The following DNAJC15 variants were observed in gnomAD, a reference collection of about 807,000 sequenced individuals.
DNAJC15 encodes dnaJ homolog subfamily C member 15.
A neutral mutation model predicts 22.4 loss-of-function variants in DNAJC15; 27 were observed. The observed-to-expected ratio is 1.20, with a 90% CI of 0.89 to 1.66. The LOEUF (loss-of-function observed/expected upper bound fraction) is 1.66. Ranked by LOEUF, DNAJC15 falls within the 40% of genes most tolerant of loss-of-function variation. The probability of loss-of-function intolerance (pLI) is 0.00; values close to 1 mark genes in which losing one functional copy is unlikely to be tolerated. For synonymous variants in DNAJC15, 79 were observed against 63.2 expected (o/e 1.25, Z -1.19); for missense variants, 208 against 187.1 (o/e 1.11, Z -0.65).
chr13:43,105,308 T>A (rs2040791061), intron 5 of DNAJC15, among the ~76,000 whole-genome samples: 1 of 152,102 alleles, frequency 6.6e-6, no homozygotes, highest in Non-Finnish European at 1.5e-5. Context: ...AAGAAAGCCT[T>A]TCTCTCATTT....
At chr13:43,056,233 C>A (rs1020521020) in intron 1 of DNAJC15, among the ~76,000 whole-genome samples, 1 of 151,802 alleles carries the variant, frequency 6.6e-6, no homozygotes, top group Non-Finnish European at 1.5e-5. Flanking sequence ...CTCACTGCAA[C>A]CTCCACCTCC....
intron 3 of DNAJC15, among the ~76,000 whole-genome samples, chr13:43,073,745 A>G (rs577097361): frequency 6.6e-5 from 10 of 152,170 alleles, no homozygotes; most frequent in East Asian, 5.8e-4. Context: ...TTCTAGGCCT[A>G]TTAAGGGTGT....
intron 2 of DNAJC15, 38 bp from the exon 3 acceptor site, chr13:43,068,892 T>C: frequency 6.4e-7 from 1 of 1,571,284 alleles, no homozygotes; most frequent in Non-Finnish European, 8.7e-7. Context: ...ATTTTGATTA[T>C]AGAAAATACA....
At chr13:43,054,786 C>CG (rs2040521541) in intron 1 of DNAJC15, among the ~76,000 whole-genome samples, 1 of 151,988 alleles carries the variant, frequency 6.6e-6, no homozygotes, top group Non-Finnish European at 1.5e-5. Context: ...TTTGGGTAGA[C>CG]GGGGAGAAGA....
At chr13:43,050,752 A>T (rs2040499227) in intron 1 of DNAJC15, among the ~76,000 whole-genome samples, 1 of 152,168 alleles carries the variant, frequency 6.6e-6, no homozygotes, top group South Asian at 2.1e-4. Flanking sequence ...TTCAATAGAG[A>T]ATTTTTAAGA....
At chr13:43,047,581 T>G (rs907694833) in intron 1 of DNAJC15, among the ~76,000 whole-genome samples, 2 of 152,214 alleles carry the variant, frequency 1.3e-5, no homozygotes, top group African/African-American at 4.8e-5. Flanking sequence ...ACGAGCATGT[T>G]AGGATACAGG....
At chr13:43,107,092 C>A in intron 5 of DNAJC15, 86 bp from the exon 6 acceptor site, 3 of 1,063,744 alleles carry the variant, frequency 2.8e-6, no homozygotes, top group South Asian at 2.2e-5. Context: ...AGACAATATT[C>A]AAAAAAGAGT....
chr13:43,065,159 G>A (rs529961812), intron 1 of DNAJC15, among the ~76,000 whole-genome samples: 1 of 152,020 alleles, frequency 6.6e-6, no homozygotes, highest in Non-Finnish European at 1.5e-5. Context: ...CTGAATTTTG[G>A]ACCCTTATTT....
intron 3 of DNAJC15, among the ~76,000 whole-genome samples, chr13:43,078,348 A>C (rs1351798230): frequency 6.6e-6 from 1 of 152,232 alleles, no homozygotes; most frequent in Admixed American, 6.5e-5. Context: ...TTTTGCTTCT[A>C]CCAGTCTGTT....
intron 1 of DNAJC15, among the ~76,000 whole-genome samples, chr13:43,053,456 TTGA>T (rs1164707453): frequency 2.0e-5 from 3 of 152,220 alleles, no homozygotes; most frequent in Non-Finnish European, 4.4e-5. Context: ...TGCTCGTATT[TTGA>T]TGGGAATTGC....
intron 1 of DNAJC15, among the ~76,000 whole-genome samples, chr13:43,031,960 G>C (rs2040405912): frequency 6.6e-6 from 1 of 152,236 alleles, no homozygotes; most frequent in South Asian, 2.1e-4. Context: ...ATGAAACTAG[G>C]ATGGTGAAGC....
intron 1 of DNAJC15, among the ~76,000 whole-genome samples, chr13:43,032,696 A>G (rs1002713404): frequency 6.6e-6 from 1 of 152,078 alleles, no homozygotes; most frequent in African/African-American, 2.4e-5. Flanking sequence ...GTGATGGTGC[A>G]CACCTGTAGT....
intron 1 of DNAJC15, among the ~76,000 whole-genome samples, chr13:43,061,512 G>A (rs1212012655): frequency 6.6e-6 from 1 of 152,228 alleles, no homozygotes; most frequent in Non-Finnish European, 1.5e-5. Context: ...TTTGAGAAGA[G>A]TTTTTATTAA....
At chr13:43,031,182 A>G (rs1241957654) in intron 1 of DNAJC15, among the ~76,000 whole-genome samples, 1 of 152,242 alleles carries the variant, frequency 6.6e-6, no homozygotes, top group Non-Finnish European at 1.5e-5. Context: ...GATCATTGGA[A>G]TAAACCATTA....
chr13:43,107,153 A>T, intron 5 of DNAJC15, 25 bp from the exon 6 acceptor site: 1 of 1,536,968 alleles, frequency 6.5e-7, no homozygotes, highest in Non-Finnish European at 8.7e-7. Context: ...AATGTATTTT[A>T]ATTCATTTTT....
chr13:43,091,757 A>G (rs2153441858), intron 5 of DNAJC15, among the ~76,000 whole-genome samples: 1 of 151,934 alleles, frequency 6.6e-6, no homozygotes, highest in East Asian at 1.9e-4. Flanking sequence ...AGTTCAAAAT[A>G]CTGTAATTTT....
chr13:43,069,144 C>G (rs770771557), intron 3 of DNAJC15, 141 bp downstream of exon 3: 42 of 728,558 alleles, frequency 5.8e-5, no homozygotes, highest in Non-Finnish European at 8.7e-5. Context: ...GTGAGTTTGT[C>G]TAATTTACTG....
chr13:43,088,219 G>T (rs986287999), intron 5 of DNAJC15, among the ~76,000 whole-genome samples: 9 of 152,142 alleles, frequency 5.9e-5, no homozygotes, highest in Non-Finnish European at 7.3e-5. Context: ...ATATCGCCAC[G>T]ATACCCAAAT....
intron 3 of DNAJC15, among the ~76,000 whole-genome samples, chr13:43,074,797 G>A (rs192427757): frequency 6.6e-6 from 1 of 152,180 alleles, no homozygotes; most frequent in Non-Finnish European, 1.5e-5. Flanking sequence ...GAAGAAATGT[G>A]TAAATACAGT....
Sources: allele counts gnomAD v4.1 joint callset (sites outside exome capture counted in the v4.1 genomes callset), GRCh38; gene constraint gnomAD v4.1.1; transcripts MANE v1.5; gene names NCBI Gene and HGNC (gene_info 2026-07-23, HGNC 2026-07-21).